Variants in TBC1D4 observed in about 807,000 individuals in gnomAD.
TBC1D4 encodes the protein TBC (Tre-2, BUB2, CDC16) domain-containing protein.
A neutral mutation model predicts 142.5 loss-of-function variants in TBC1D4; 121 were observed. That is an observed-to-expected ratio of 0.85 (90% CI 0.73 to 0.99). The LOEUF is 0.99. Ranked by LOEUF, TBC1D4 falls within the 50% of genes least tolerant of loss-of-function variation. TBC1D4 has a pLI of 0.00. For synonymous variants in TBC1D4, 630 were observed against 628.2 expected (o/e 1.00, Z -0.04); for missense variants, 1,475 against 1,606.6 (o/e 0.92, Z 1.40).
intron 5 of TBC1D4, among the ~76,000 whole-genome samples, chr13:75,347,163 A>G (rs1477615535): frequency 6.6e-6 from 1 of 151,556 alleles, no homozygotes; most frequent in East Asian, 1.9e-4. Context: ...ACACAAACGT[A>G]TTACATAACC....
chr13:75,362,439 C>A lies in TBC1D4; in HGVS notation c.667G>T (p.Asp223Tyr). 1 of 1,614,208 alleles carries A rather than the reference C, an allele frequency of 6.2e-7. No individual in the cohort carries two copies. Among genetic ancestry groups the A allele is most frequent in the Non-Finnish European group, 8.5e-7 (1 of 1,180,042 alleles). The change falls in exon 2 of 21, where the codon GAT becomes TAT. Residue 223 changes from aspartate (D) to tyrosine (Y), a missense_variant. Around this residue, in one of 2 missense-constraint regions of TBC1D4, gnomAD observed 1,227 missense variants for 1,267.7 expected, o/e 0.97. Transcript: ENST00000377636. The surrounding 1 kb of genome is among the most constrained non-coding windows in gnomAD (Gnocchi z 4.2). Reference protein sequence around the residue: ...THKKAPSSLIDDCMEKFSLHE... With the variant: ...THKKAPSSLIYDCMEKFSLHE... ...AGGCTGAACTTCTCCATGCAGTCAT[C>A]GATGAGGCTTGAGGGGGCCTTCTTG...
intron 1 of TBC1D4, among the ~76,000 whole-genome samples, chr13:75,402,696 C>A (rs987533779): frequency 2.0e-5 from 3 of 146,946 alleles, no homozygotes; most frequent in African/African-American, 7.7e-5. Context: ...CACACACACA[C>A]AGTATCATGC....
chr13:75,401,569 A>C (rs1885097072), intron 1 of TBC1D4, among the ~76,000 whole-genome samples: 1 of 152,260 alleles, frequency 6.6e-6, no homozygotes, highest in Admixed American at 6.5e-5. Flanking sequence ...GTACAAAATA[A>C]AAAATATAAT....
In TBC1D4 at chr13:75,362,102, G is replaced by T. The variant is rs750425259; in HGVS notation, c.1004C>A (p.Pro335Gln). The T allele has an allele frequency of 2.5e-6, 4 of 1,613,896 alleles. No individual in the cohort carries two copies. In the South Asian group the frequency reaches 4.4e-5, roughly 18 times the overall value. Residue 335 changes from proline (P) to glutamine (Q), a missense_variant, in exon 2 of 21, where the codon CCG becomes CAG. By Grantham distance (76) the Pro-to-Gln change is moderately conservative (BLOSUM62 -1). Around this residue, in one of 2 missense-constraint regions of TBC1D4, gnomAD observed 1,227 missense variants for 1,267.7 expected, o/e 0.97. Coordinates refer to ENST00000377636, the MANE Select transcript of TBC1D4 (RefSeq NM_014832.5). This position sits in a 1 kb window ranked among gnomAD's most constrained non-coding sequence, Gnocchi z 4.2. The stretch of plus-strand genomic sequence containing the variant: ...GGGTGCGCTCGCGTGTCTCCGTCGC[G>T]GCTGGGATTTCTGGCTGCCCTCGTG... ...RVHEGSQKSQ[P>Q]RRRHASAPSH...
intron 1 of TBC1D4, among the ~76,000 whole-genome samples, chr13:75,373,520 T>A (rs764490341): frequency 5.9e-5 from 9 of 152,068 alleles, no homozygotes; most frequent in Non-Finnish European, 8.8e-5. Context: ...GACTTGCACT[T>A]TTTGTGGGTG....
At chr13:75,320,237 T>G (rs1047219011) in intron 11 of TBC1D4, among the ~76,000 whole-genome samples, 200 bp from the exon 12 acceptor site, 2 of 152,106 alleles carry the variant, frequency 1.3e-5, no homozygotes, top group African/African-American at 4.8e-5. Context: ...CACAAAGTAC[T>G]TCATCATCAA....
rs67470405 is a variant in TBC1D4, at chr13:75,369,497, T to TCACACACA, written c.499-6898_499-6891dup. 3.7e-3 allele frequency among the ~76,000 whole-genome samples: 557 copies of TCACACACA among 150,646 alleles called. 1 individual carries two copies. Among genetic ancestry groups the TCACACACA allele is most frequent in the East Asian group, 9.1e-3 (46 of 5,054 alleles). On this transcript the variant is annotated intron_variant, in intron 1 of 20. Transcript: ENST00000377636. ...CTGGGTGACAGAGTGAGACCCTGTC[T>TCACACACA]CACACACACACACACACACACACAC...
chr13:75,407,542 A>C (rs1324604075), intron 1 of TBC1D4, among the ~76,000 whole-genome samples: 2 of 152,212 alleles, frequency 1.3e-5, no homozygotes, highest in Admixed American at 1.3e-4. Context: ...TCTTGAATCC[A>C]AAAATAAAAG....
At chr13:75,460,161 A>T (rs35049975) in intron 1 of TBC1D4, among the ~76,000 whole-genome samples, 17,791 of 144,580 alleles carry the variant, frequency 0.12, 1,190 homozygotes, top group Admixed American at 0.2. Flanking sequence ...AAATAAAAAA[A>T]AAAAATAATA....
At chr13:75,304,970 C>T (rs539136075) in intron 15 of TBC1D4, among the ~76,000 whole-genome samples, 16 of 152,208 alleles carry the variant, frequency 1.1e-4, no homozygotes, top group African/African-American at 3.9e-4. Flanking sequence ...TTGGCTGTGT[C>T]CCCACCCAAA....
chr13:75,445,933 T>G (rs1887264767), intron 1 of TBC1D4, among the ~76,000 whole-genome samples: 1 of 152,222 alleles, frequency 6.6e-6, no homozygotes, highest in African/African-American at 2.4e-5. Context: ...GCAGCTGGTT[T>G]TATTTGATTT....
chr13:75,438,249 C>T (rs985232262), intron 1 of TBC1D4, among the ~76,000 whole-genome samples: 1 of 152,068 alleles, frequency 6.6e-6, no homozygotes, highest in African/African-American at 2.4e-5. Flanking sequence ...ACTGATAAAA[C>T]AATAAAGCAA....
intron 1 of TBC1D4, 49 bp downstream of exon 1, chr13:75,481,221 G>T (rs1888852121): frequency 2.7e-6 from 2 of 736,988 alleles, no homozygotes; most frequent in African/African-American, 1.9e-5. Context: ...CCTGCTCCCC[G>T]ATCCCCCAAG....
chr13:75,444,833 C>T (rs1287312849), intron 1 of TBC1D4, among the ~76,000 whole-genome samples: 5 of 152,206 alleles, frequency 3.3e-5, no homozygotes, highest in African/African-American at 1.2e-4. Context: ...AATCATGACC[C>T]ATGGGTCTAC....
intron 8 of TBC1D4, among the ~76,000 whole-genome samples, chr13:75,333,887 T>A (rs76986756): frequency 0.014 from 2,089 of 152,264 alleles, 50 homozygotes; most frequent in African/African-American, 0.047. Context: ...CCACCTCAAT[T>A]TGGGTTTGTT....
At chr13:75,450,511 G>T (rs1295576931) in intron 1 of TBC1D4, among the ~76,000 whole-genome samples, 1 of 152,130 alleles carries the variant, frequency 6.6e-6, no homozygotes, top group Non-Finnish European at 1.5e-5. Flanking sequence ...CAAATAGAAA[G>T]GACGAAATTG....
intron 1 of TBC1D4, among the ~76,000 whole-genome samples, chr13:75,457,095 C>T (rs566527283): frequency 1.3e-5 from 2 of 152,062 alleles, no homozygotes; most frequent in South Asian, 4.2e-4. Context: ...TCTATGATGA[C>T]AGAAATCAGG....
intron 1 of TBC1D4, among the ~76,000 whole-genome samples, chr13:75,460,312 A>T (rs1484892925): frequency 6.6e-6 from 1 of 152,218 alleles, no homozygotes. Context: ...ATAAAGCCAT[A>T]AACAGGGAAG....
intron 10 of TBC1D4, among the ~76,000 whole-genome samples, chr13:75,325,404 A>G (rs914617275): frequency 6.7e-6 from 1 of 150,354 alleles, no homozygotes; most frequent in Non-Finnish European, 1.5e-5. Flanking sequence ...CTCCTTTTAC[A>G]TCGAGTTGTG....
Sources: allele counts gnomAD v4.1 joint callset (sites outside exome capture counted in the v4.1 genomes callset), GRCh38; gene constraint gnomAD v4.1.1; regional missense constraint gnomAD v4.1.1; non-coding constraint Gnocchi (gnomAD v3.1); transcripts MANE v1.5; gene names NCBI Gene and HGNC (gene_info 2026-07-23, HGNC 2026-07-21).